The following ST8SIA5 variants were observed in gnomAD, a reference collection of about 807,000 sequenced individuals.
ST8SIA5 encodes alpha-2,8-sialyltransferase 8E.
In ST8SIA5, 24 loss-of-function variants were observed where a neutral mutation model predicts 40.2. That is an observed-to-expected ratio of 0.60 (90% CI 0.43 to 0.84). The LOEUF (loss-of-function observed/expected upper bound fraction) is 0.84. Among genes scored for constraint, ST8SIA5 ranks in the 40% least tolerant of loss-of-function variants. The pLI is 0.00. For synonymous variants in ST8SIA5, 198 were observed against 201.8 expected (o/e 0.98, Z 0.16); for missense variants, 465 against 498.5 (o/e 0.93, Z 0.64).
At chr18:46,730,704 G>A (rs577969448) in intron 1 of ST8SIA5, among the ~76,000 whole-genome samples, 35 of 152,260 alleles carry the variant, frequency 2.3e-4, no homozygotes, top group Admixed American at 4.6e-4. Context: ...AGGAGGCTGC[G>A]TCAGGAAAAT....
At chr18:46,711,078 A>G (rs2039727576) in intron 1 of ST8SIA5, among the ~76,000 whole-genome samples, 1 of 152,142 alleles carries the variant, frequency 6.6e-6, no homozygotes, top group African/African-American at 2.4e-5. Flanking sequence ...TATTTATTCC[A>G]CACTGGTTAG....
At position 46,704,536 on chromosome 18, in the gene ST8SIA5, A is replaced by G. The variant is rs1568260277; in HGVS notation, c.224+36T>C. The G allele has an allele frequency of 3.3e-6, 5 of 1,533,784 alleles. 1 individual carries two copies. Among genetic ancestry groups the G allele is most frequent in the Non-Finnish European group, 4.5e-6 (5 of 1,122,834 alleles). ...CCCCCAACCCCTGCCCCACCTCCAC[A>G]TGCTCCCTGCACCCACCACAAATGG... is the stretch of plus-strand genomic sequence containing the variant. On this transcript the variant is annotated intron_variant, in intron 2 of 6. Transcript: ENST00000315087.
intron 1 of ST8SIA5, among the ~76,000 whole-genome samples, chr18:46,707,037 T>C (rs936235847): frequency 3.9e-5 from 6 of 152,154 alleles, no homozygotes; most frequent in African/African-American, 1.4e-4. Flanking sequence ...TATCTGCAAA[T>C]AAGAACAAGG....
chr18:46,721,539 C>CAGA, intron 1 of ST8SIA5: 1 of 1,306,704 alleles, frequency 7.7e-7, no homozygotes, highest in Non-Finnish European at 1.1e-6. Context: ...CAGAGAGCCA[C>CAGA]ATTCTGTTGC....
intron 1 of ST8SIA5, among the ~76,000 whole-genome samples, chr18:46,747,397 A>G (rs2040151038): frequency 6.6e-6 from 1 of 152,232 alleles, no homozygotes; most frequent in Non-Finnish European, 1.5e-5. Context: ...AACCCCACCT[A>G]AAAGTGGGCA....
At chr18:46,738,389 T>C (rs972914516) in intron 1 of ST8SIA5, among the ~76,000 whole-genome samples, 9 of 152,076 alleles carry the variant, frequency 5.9e-5, no homozygotes, top group Non-Finnish European at 4.4e-5. Flanking sequence ...GCTGGGCATA[T>C]GGCAGGTCAG....
At chr18:46,699,771 C>CTGGCATAGG (rs968105305) in intron 2 of ST8SIA5, among the ~76,000 whole-genome samples, 3 of 152,228 alleles carry the variant, frequency 2.0e-5, no homozygotes, top group Non-Finnish European at 2.9e-5. Flanking sequence ...GAGTACTGAG[C>CTGGCATAGG]TGGCATAGGG....
intron 5 of ST8SIA5, chr18:46,685,936 G>A (rs924916017): frequency 3.7e-6 from 2 of 538,548 alleles, no homozygotes; most frequent in East Asian, 3.1e-5. Context: ...AATCTGTGAT[G>A]TCCTTTGCTC....
At chr18:46,681,091 C>T (rs965126785) in intron 6 of ST8SIA5, among the ~76,000 whole-genome samples, 1 of 152,148 alleles carries the variant, frequency 6.6e-6, no homozygotes, top group Non-Finnish European at 1.5e-5. Flanking sequence ...CCCACCTTAG[C>T]CTTCTGAGTA....
chr18:46,721,534 A>G (rs1160248415), intron 1 of ST8SIA5: 1 of 1,360,546 alleles, frequency 7.3e-7, no homozygotes, highest in Non-Finnish European at 1.0e-6. Flanking sequence ...CCTACCAGAG[A>G]GCCACATTCT....
Position 46,680,022 on chromosome 18 carries a change from G to A in ST8SIA5, c.*20C>T, listed in dbSNP as rs1488914568. On this transcript the variant is annotated 3_prime_UTR_variant, in exon 7 of 7. Coordinates refer to ENST00000315087, the MANE Select transcript of ST8SIA5 (RefSeq NM_013305.6). ...GCAGGAGAGGGGGCGCCGCTTGCCGGGCAGCCTGGCTGGCAGCCATCAGCA... is the reference window on the plus strand; with the variant it reads ...GCAGGAGAGGGGGCGCCGCTTGCCGAGCAGCCTGGCTGGCAGCCATCAGCA... 3.8e-5 allele frequency: 60 copies of A among 1,584,314 alleles called. No homozygotes were observed. The highest frequency in any genetic ancestry group is 4.8e-5 in the Non-Finnish European group (56 of 1,163,772).
At chr18:46,753,416 C>G (rs1437135640) in intron 1 of ST8SIA5, among the ~76,000 whole-genome samples, 5 of 151,882 alleles carry the variant, frequency 3.3e-5, no homozygotes, top group Non-Finnish European at 7.4e-5. Flanking sequence ...ACTAAAAATA[C>G]AAAAAATTAG....
Position 46,676,046 on chromosome 18 carries a change from ACT to A in ST8SIA5, c.*3994_*3995del, listed in dbSNP as rs2039337279. ...CCTCTAGCCTGGGTGACAGAGGGAG[ACT>A]CTGTCTCAAACAAACAAACAAAAAA... is the stretch of plus-strand genomic sequence containing the variant. On this transcript the variant is annotated 3_prime_UTR_variant, in exon 7 of 7. Transcript: ENST00000315087. 6.6e-6 allele frequency: 1 copy of A among 152,088 alleles called. No homozygotes were observed. 9.4% of individuals were successfully genotyped at this position (152,088 alleles called of 1,614,324 possible). A position where few individuals can be genotyped will look rare whatever the true frequency, so the allele number is the denominator to read the frequency against.
chr18:46,744,273 T>C (rs2040116835), intron 1 of ST8SIA5, among the ~76,000 whole-genome samples: 1 of 152,122 alleles, frequency 6.6e-6, no homozygotes, highest in Non-Finnish European at 1.5e-5. Context: ...GACTGGCAAT[T>C]TGGATAAAGA....
chr18:46,689,659 C>T (rs1458388935), intron 3 of ST8SIA5, among the ~76,000 whole-genome samples: 2 of 149,216 alleles, frequency 1.3e-5, no homozygotes, highest in African/African-American at 5.0e-5. Context: ...CTGCAATCTT[C>T]GCCTCCTGGG....
At chr18:46,720,699 C>G (rs1299075531) in intron 1 of ST8SIA5, among the ~76,000 whole-genome samples, 1 of 152,140 alleles carries the variant, frequency 6.6e-6, no homozygotes, top group Non-Finnish European at 1.5e-5. Context: ...CTGGCAGGTT[C>G]CAGTCATACC....
chr18:46,686,805 C>T (rs1488360988), intron 4 of ST8SIA5, among the ~76,000 whole-genome samples: 3 of 130,862 alleles, frequency 2.3e-5, no homozygotes, highest in African/African-American at 9.4e-5. Flanking sequence ...TAGACTTGTA[C>T]CAGAGAAAGG....
At chr18:46,703,798 T>A (rs777889253) in intron 2 of ST8SIA5, among the ~76,000 whole-genome samples, 5 of 152,196 alleles carry the variant, frequency 3.3e-5, no homozygotes, top group Non-Finnish European at 7.3e-5. Context: ...ATGACTAATA[T>A]AGTACCAATT....
chr18:46,694,439 A>T (rs2039536545), intron 2 of ST8SIA5, among the ~76,000 whole-genome samples: 1 of 152,216 alleles, frequency 6.6e-6, no homozygotes, highest in East Asian at 1.9e-4. Flanking sequence ...TGCGAAATGC[A>T]GACAGATCAT....
Sources: allele counts gnomAD v4.1 joint callset (sites outside exome capture counted in the v4.1 genomes callset), GRCh38; gene constraint gnomAD v4.1.1; transcripts MANE v1.5; gene names NCBI Gene and HGNC (gene_info 2026-07-23, HGNC 2026-07-21).